The following BCO1 variants were observed in gnomAD, a reference collection of about 807,000 sequenced individuals.
BCO1 encodes beta,beta-carotene 15,15'-dioxygenase.
A neutral mutation model predicts 56.3 loss-of-function variants in BCO1; 54 were observed. That is an observed-to-expected ratio of 0.96 (90% CI 0.77 to 1.20). BCO1 has a LOEUF of 1.20. Among genes scored for constraint, BCO1 ranks in the 50% most tolerant of loss-of-function variants. BCO1 has a pLI of 0.00. For missense variants in BCO1, 801 were observed against 690.9 expected, an observed-to-expected ratio of 1.16 and a Z score of -1.79; for synonymous variants, 318 against 266.1, an observed-to-expected ratio of 1.20 and a Z score of -1.90.
At chr16:81,245,206 C>T (rs1307293102) in intron 1 of BCO1, among the ~76,000 whole-genome samples, 2 of 152,178 alleles carry the variant, frequency 1.3e-5, no homozygotes, top group African/African-American at 2.4e-5. Flanking sequence ...GCCTTGACCA[C>T]AGTGGATCTT....
chr16:81,285,795 G>A (rs947600772), intron 9 of BCO1, among the ~76,000 whole-genome samples, 161 bp downstream of exon 9: 6 of 152,170 alleles, frequency 3.9e-5, no homozygotes, highest in Admixed American at 1.3e-4. Context: ...CTGGGAGAGG[G>A]AGTGGTACCT....
At chr16:81,251,184 G>T (rs1034833525) in intron 2 of BCO1, among the ~76,000 whole-genome samples, 1 of 152,116 alleles carries the variant, frequency 6.6e-6, no homozygotes, top group Non-Finnish European at 1.5e-5. Flanking sequence ...TTAGAGAAAA[G>T]ACTTTGGAGC....
rs926363668 is a variant in BCO1, at chr16:81,272,321, T to A, written c.1101+1905T>A. On this transcript the variant is annotated intron_variant, in intron 7 of 10. Coordinates refer to ENST00000258168, the MANE Select transcript of BCO1 (RefSeq NM_017429.3). ...TTTTAGTAGAGACAGGGTTTCACCG[T>A]GTTAGCCAGGATGGTCTCAACCTCC... Among the ~76,000 whole-genome samples, 4 of 151,760 alleles carry A rather than the reference T, an allele frequency of 2.6e-5. No individual in the cohort carries two copies. The East Asian group carries it at 7.8e-4, about 29-fold the overall frequency.
intron 2 of BCO1, among the ~76,000 whole-genome samples, chr16:81,256,299 C>T (rs937313172): frequency 6.6e-5 from 10 of 152,034 alleles, no homozygotes; most frequent in South Asian, 2.1e-4. Flanking sequence ...AGGCACTGGG[C>T]GAGAATTTCT....
intron 7 of BCO1, 103 bp downstream of exon 7, chr16:81,270,519 T>C: frequency 6.8e-7 from 1 of 1,480,896 alleles, no homozygotes; most frequent in Admixed American, 2.0e-5. Context: ...CCAAATGAAC[T>C]GTTCTTGAAA....
chr16:81,259,478 G>A (rs1906347081), intron 2 of BCO1, among the ~76,000 whole-genome samples, 198 bp from the exon 3 acceptor site: 1 of 152,054 alleles, frequency 6.6e-6, no homozygotes. Flanking sequence ...TGGGCAACAA[G>A]AGCAAAACTC....
rs1324234575 is a variant in BCO1, at chr16:81,259,852, C to A, written c.323+47C>A. On this transcript the variant is annotated intron_variant, in intron 3 of 10. Coordinates refer to ENST00000258168, the MANE Select transcript of BCO1 (RefSeq NM_017429.3). ...GAGCAAATTTCATGCTTTTTGCTAT[C>A]CTTGATGGCTGAAATAACCAGCATT... 1.9e-6 allele frequency: 3 copies of A among 1,610,646 alleles called. No individual in the cohort carries two copies. The South Asian group carries it at 3.3e-5, about 18-fold the overall frequency.
intron 1 of BCO1, among the ~76,000 whole-genome samples, chr16:81,243,705 G>A (rs1043912414): frequency 3.9e-5 from 6 of 152,172 alleles, no homozygotes; most frequent in African/African-American, 1.4e-4. Context: ...CTGACCTCAA[G>A]CGATCTGCCT....
chr16:81,270,242 C>A lies in BCO1; in HGVS notation c.927C>A (p.His309Gln), dbSNP rs139501868. The stretch of plus-strand genomic sequence containing the variant: ...CAGACGCCATGGTGGTCTTCCATCA[C>A]GTCAACGCCTACGAAGAGGACGGCT... ...FYTDAMVVFH[H>Q]VNAYEEDGCI... The change falls in exon 7 of 11, where the codon CAC becomes CAA. Residue 309 changes from histidine (H) to glutamine (Q), a missense_variant. By Grantham distance (24) the His-to-Gln change is conservative. Coordinates refer to ENST00000258168, the MANE Select transcript of BCO1 (RefSeq NM_017429.3). The A allele has an allele frequency of 5.9e-5, 96 of 1,614,094 alleles. 1 individual carries two copies. The highest frequency in any genetic ancestry group is 3.1e-5 in the Non-Finnish European group (36 of 1,180,050).
At chr16:81,251,150 G>C (rs576970637) in intron 2 of BCO1, among the ~76,000 whole-genome samples, 5 of 151,294 alleles carry the variant, frequency 3.3e-5, no homozygotes, top group Non-Finnish European at 7.4e-5. Flanking sequence ...ATGCAGGTTA[G>C]GTGCTTAAGA....
At chr16:81,282,122 T>C (rs1907917492) in intron 8 of BCO1, among the ~76,000 whole-genome samples, 1 of 152,174 alleles carries the variant, frequency 6.6e-6, no homozygotes, top group South Asian at 2.1e-4. Flanking sequence ...CTCACGCCTG[T>C]AATCCCAGCA....
chr16:81,248,280 G>A (rs766964874), intron 2 of BCO1, among the ~76,000 whole-genome samples: 10 of 151,806 alleles, frequency 6.6e-5, no homozygotes, highest in Non-Finnish European at 1.2e-4. Flanking sequence ...GTGAGCACCT[G>A]TAATCCCAGC....
rs763049247 is a variant in BCO1, at chr16:81,280,960, A to C, written c.1205A>C (p.Glu402Ala). Residue 402 changes from glutamate to alanine, a missense_variant and splice_region_variant, in exon 8 of 11, where the codon GAA becomes GCA. Glu to Ala is a moderately radical substitution (Grantham distance 107). Transcript: ENST00000258168. ...TACTGCCAGCCGGAATTTCTTTATG[A>C]AGGTAAAATGCATCCTCTTGTCCTG... ...QVYCQPEFLY[E>A]GLELPRVNYA... 6 of 1,609,582 alleles carry C rather than the reference A, an allele frequency of 3.7e-6. No homozygotes were observed. In the African/African-American group the frequency reaches 6.7e-5, roughly 18 times the overall value.
In BCO1 at chr16:81,290,608, C is replaced by T. The variant is rs1160153773; in HGVS notation, c.*31C>T. ...TTGGGGTTTGGGTAGGGGAGGGGAG[C>T]TCGGCTGTCAGAACTCCATGGATAT... On this transcript the variant is annotated 3_prime_UTR_variant, in exon 11 of 11. Transcript: ENST00000258168. 2 of 1,551,772 alleles carry T rather than the reference C, an allele frequency of 1.3e-6. No individual in the cohort carries two copies. The highest frequency in any genetic ancestry group is 1.4e-5 in the African/African-American group (1 of 73,604).
rs146007223 is a variant in BCO1 at position 81,242,583 on chromosome 16, A to C, written c.65-2892A>C. 3.2e-3 allele frequency among the ~76,000 whole-genome samples: 479 copies of C among 151,970 alleles called. 3 individuals are homozygous for C. The highest frequency in any genetic ancestry group is 0.011 in the African/African-American group (458 of 41,472). ...CCCATCAGTTCTGTGTGTTCCATCTATCTTTGTTCATCCATTTCTCTCCAT... is the reference window on the plus strand; with the variant it reads ...CCCATCAGTTCTGTGTGTTCCATCTCTCTTTGTTCATCCATTTCTCTCCAT... On this transcript the variant is annotated intron_variant, in intron 1 of 10. Transcript: ENST00000258168.
chr16:81,239,025 T>A lies in BCO1; in HGVS notation c.64+53T>A, dbSNP rs866727447. 3.6e-3 allele frequency: 5,452 copies of A among 1,514,498 alleles called. 173 individuals are homozygous for A. The African/African-American group carries it at 0.067, about 18-fold the overall frequency. The allele number at this position is 1,514,498 out of a possible 1,614,324, so 93.8% of individuals were successfully genotyped here. On this transcript the variant is annotated intron_variant, in intron 1 of 10. Coordinates refer to ENST00000258168, the MANE Select transcript of BCO1 (RefSeq NM_017429.3). ...TTTCTTCTATTTATTTTATTATTTT[T>A]TTTTTTTTTGAGGCGGAGTCTCGCT... is the stretch of plus-strand genomic sequence containing the variant.
At chr16:81,256,674 G>A (rs1906155651) in intron 2 of BCO1, among the ~76,000 whole-genome samples, 1 of 152,096 alleles carries the variant, frequency 6.6e-6, no homozygotes, top group Non-Finnish European at 1.5e-5. Flanking sequence ...GTTCACCCGA[G>A]CTTAGGAGTT....
chr16:81,240,774 T>G (rs926068130), intron 1 of BCO1, among the ~76,000 whole-genome samples: 2 of 152,004 alleles, frequency 1.3e-5, no homozygotes, highest in Non-Finnish European at 2.9e-5. Context: ...ACTGTCTTTA[T>G]TATTTGGTTG....
chr16:81,268,188 G>C, intron 6 of BCO1, 57 bp downstream of exon 6: 1 of 1,505,834 alleles, frequency 6.6e-7, no homozygotes, highest in Non-Finnish European at 9.1e-7. Flanking sequence ...GAGGGAGGCT[G>C]GTGTGCAGGA....
Sources: allele counts gnomAD v4.1 joint callset (sites outside exome capture counted in the v4.1 genomes callset), GRCh38; gene constraint gnomAD v4.1.1; transcripts MANE v1.5; gene names NCBI Gene and HGNC (gene_info 2026-07-23, HGNC 2026-07-21).